Variants in TMEM132E observed in about 807,000 individuals in gnomAD.
The protein encoded by TMEM132E is transmembrane protein 132E.
TMEM132E carries 49 observed loss-of-function variants against 78.5 expected under a neutral mutation model. That is an observed-to-expected ratio of 0.62 (90% CI 0.50 to 0.79). TMEM132E has a LOEUF of 0.79. Ranked by LOEUF, TMEM132E falls within the 30% of genes least tolerant of loss-of-function variation. The pLI is 0.00. For synonymous variants in TMEM132E, 715 were observed against 670.6 expected, an observed-to-expected ratio of 1.07 and a Z score of -1.02; for missense variants, 1,403 against 1,470.9, an observed-to-expected ratio of 0.95 and a Z score of 0.75.
At chr17:34,603,062 C>T (rs1225457091) in intron 1 of TMEM132E, among the ~76,000 whole-genome samples, 1 of 152,148 alleles carries the variant, frequency 6.6e-6, no homozygotes, top group East Asian at 1.9e-4. Flanking sequence ...CTGTCTTACA[C>T]AGGAAGGGGG....
At chr17:34,633,940 A>G (rs1313225610) in intron 6 of TMEM132E, among the ~76,000 whole-genome samples, 1 of 152,190 alleles carries the variant, frequency 6.6e-6, no homozygotes, top group African/African-American at 2.4e-5. Context: ...AGCTGTGTAA[A>G]CTTGGGCTAC....
intron 5 of TMEM132E, 22 bp downstream of exon 5, chr17:34,630,173 C>G (rs371967001): frequency 4.4e-6 from 7 of 1,601,546 alleles, no homozygotes; most frequent in African/African-American, 4.0e-5. Context: ...GGAGGTGGGG[C>G]CCCTGGGGAA....
In TMEM132E at chr17:34,639,098, A is replaced by C. The variant is rs1907651897; in HGVS notation, c.*866A>C. 1 of 150,480 alleles carries C rather than the reference A, an allele frequency of 6.6e-6. No individual in the cohort carries two copies. Among genetic ancestry groups the C allele is most frequent in the South Asian group, 2.1e-4 (1 of 4,806 alleles). 9.3% of individuals were successfully genotyped at this position (150,480 alleles called of 1,614,324 possible). The stretch of plus-strand genomic sequence containing the variant: ...TGCAGCACAGGGCAGGCAGCCACCT[A>C]TGCCCCACAAGACGGAACCCGGGAG... On this transcript the variant is annotated 3_prime_UTR_variant, in exon 9 of 9. Coordinates refer to ENST00000631683, the MANE Select transcript of TMEM132E (RefSeq NM_001304438.2).
At chr17:34,600,847 G>C (rs11653925) in intron 1 of TMEM132E, among the ~76,000 whole-genome samples, 84,990 of 152,010 alleles carry the variant, frequency 0.56, 25,023 homozygotes, top group Admixed American at 0.71. Flanking sequence ...GGATGCACCT[G>C]CAGAGGCAGA....
chr17:34,623,167 A>G (rs1016688365), intron 1 of TMEM132E, among the ~76,000 whole-genome samples: 8 of 152,088 alleles, frequency 5.3e-5, no homozygotes, highest in African/African-American at 1.9e-4. Flanking sequence ...GTCCTCCCCC[A>G]GGGGGGGTGA....
intron 4 of TMEM132E, 47 bp from the exon 5 acceptor site, chr17:34,629,961 G>T (rs1044354368): frequency 1.3e-6 from 2 of 1,563,676 alleles, no homozygotes; most frequent in Non-Finnish European, 1.7e-6. Flanking sequence ...TGTGTCCCAG[G>T]ACAGAAGGGG....
At position 34,594,591 on chromosome 17, in the gene TMEM132E, T is replaced by C. The variant is rs149011722; in HGVS notation, c.67+13448T>C. Among the ~76,000 whole-genome samples, 350 of 152,330 alleles carry C rather than the reference T, an allele frequency of 2.3e-3. 2 individuals are homozygous for C. Among genetic ancestry groups the C allele is most frequent in the African/African-American group, 7.7e-3 (319 of 41,568 alleles). The stretch of plus-strand genomic sequence containing the variant: ...CAAATAGACACTCGCTATTGTTTCA[T>C]TCAGCACATGTTTTTTTGTTTGTTT... On this transcript the variant is annotated intron_variant, in intron 1 of 8. Transcript: ENST00000631683.
intron 1 of TMEM132E, among the ~76,000 whole-genome samples, chr17:34,593,863 G>A (rs942919259): frequency 7.2e-5 from 11 of 152,140 alleles, no homozygotes; most frequent in African/African-American, 1.9e-4. Flanking sequence ...CCCTTTTCCC[G>A]ACACTACTTC....
intron 1 of TMEM132E, among the ~76,000 whole-genome samples, chr17:34,586,447 A>C (rs1190613752): frequency 6.6e-6 from 1 of 151,992 alleles, no homozygotes; most frequent in Non-Finnish European, 1.5e-5. Context: ...CAGAGCACCA[A>C]CACTCAGCTA....
At position 34,638,266 on chromosome 17, in the gene TMEM132E, C is replaced by G. The variant is rs11080288; in HGVS notation, c.*34C>G. The G allele has an allele frequency of 4.4e-5, 65 of 1,463,308 alleles. No individual in the cohort carries two copies. Among genetic ancestry groups the G allele is most frequent in the Middle Eastern group, 4.4e-4 (2 of 4,558 alleles). The allele number at this position is 1,463,308 out of a possible 1,614,324, so 90.6% of individuals were successfully genotyped here. The stretch of plus-strand genomic sequence containing the variant: ...GCCGGAGTAGCAGGGACCCCCCCCC[C>G]CAACGGGGTCAGCTCGGGGTAGGAC... On this transcript the variant is annotated 3_prime_UTR_variant, in exon 9 of 9. Coordinates refer to ENST00000631683, the MANE Select transcript of TMEM132E (RefSeq NM_001304438.2).
chr17:34,599,224 A>G (rs1452549260), intron 1 of TMEM132E, among the ~76,000 whole-genome samples: 1 of 152,182 alleles, frequency 6.6e-6, no homozygotes, highest in Non-Finnish European at 1.5e-5. Context: ...GCAAGAGGGT[A>G]TGTGGAGAAT....
chr17:34,629,317 T>C (rs1336903283), intron 4 of TMEM132E, 113 bp downstream of exon 4: 4 of 1,204,324 alleles, frequency 3.3e-6, no homozygotes, highest in Non-Finnish European at 1.1e-6. Flanking sequence ...TGTGTGTATA[T>C]GTGAGACTTC....
intron 5 of TMEM132E, among the ~76,000 whole-genome samples, chr17:34,631,256 G>T (rs62062165): frequency 2.0e-5 from 3 of 152,246 alleles, no homozygotes; most frequent in Middle Eastern, 3.4e-3. Flanking sequence ...ATCCAGGAAG[G>T]ATGCCTTCCA....
At position 34,628,136 on chromosome 17, in the gene TMEM132E, G is replaced by T. The variant is rs557107506; in HGVS notation, c.999-427G>T. On this transcript the variant is annotated intron_variant, in intron 2 of 8. Transcript: ENST00000631683. Reference sequence around the variant, plus strand: ...CACCTACTCACCTCGCCAGCTTTTTGAAGAACTACTACAGTTAGGACAGAG... The same window carrying T: ...CACCTACTCACCTCGCCAGCTTTTTTAAGAACTACTACAGTTAGGACAGAG... 3.3e-5 allele frequency among the ~76,000 whole-genome samples: 5 copies of T among 152,336 alleles called. No homozygotes were observed. The East Asian group carries it at 9.6e-4, about 29-fold the overall frequency.
At chr17:34,607,225 T>C (rs73284050) in intron 1 of TMEM132E, among the ~76,000 whole-genome samples, 3,139 of 152,320 alleles carry the variant, frequency 0.021, 104 homozygotes, top group South Asian at 0.071. Flanking sequence ...GAGAACTTAC[T>C]ATGTAAAAGC....
At chr17:34,594,894 T>C (rs927708699) in intron 1 of TMEM132E, among the ~76,000 whole-genome samples, 2 of 152,222 alleles carry the variant, frequency 1.3e-5, no homozygotes, top group Non-Finnish European at 2.9e-5. Context: ...GAGCATGTTT[T>C]TGAACACCTA....
At position 34,636,048 on chromosome 17, in the gene TMEM132E, G is replaced by T; in HGVS notation, c.2019G>T (p.Leu673=). The T allele has an allele frequency of 6.4e-7, 1 of 1,565,336 alleles. No homozygotes were observed. Among genetic ancestry groups the T allele is most frequent in the Non-Finnish European group, 8.6e-7 (1 of 1,157,938 alleles). The change falls in exon 8 of 9, where the codon CTG becomes CTT. Residue 673 remains leucine, a synonymous_variant. Transcript: ENST00000631683. ...PLTEAVLGET[L]LTVTEEKVSI... is the part of the protein sequence containing the mutation. ...CGGAGGCTGTGCTCGGGGAGACGCT[G>T]CTGACGGTGACTGAGGAGAAGGTCA...
Position 34,632,781 on chromosome 17 carries a change from C to G in TMEM132E, c.1560C>G (p.Arg520=). 3 of 1,614,226 alleles carry G rather than the reference C, an allele frequency of 1.9e-6. No homozygotes were observed. Among genetic ancestry groups the G allele is most frequent in the Non-Finnish European group, 2.5e-6 (3 of 1,180,044 alleles). ...RGSMNARVTF[R]YDVLNAPLEM... is the part of the protein sequence containing the mutation. The stretch of plus-strand genomic sequence containing the variant: ...CCATGAACGCCAGGGTCACCTTCCG[C>G]TACGACGTCCTCAATGCTCCCCTGG... The change falls in exon 6 of 9, where the codon CGC becomes CGG. Residue 520 remains arginine (R), a synonymous_variant. Coordinates refer to ENST00000631683, the MANE Select transcript of TMEM132E (RefSeq NM_001304438.2).
intron 1 of TMEM132E, among the ~76,000 whole-genome samples, chr17:34,585,287 G>T (rs748620447): frequency 6.6e-5 from 10 of 152,208 alleles, no homozygotes; most frequent in African/African-American, 9.6e-5. Context: ...CTGGACTTGG[G>T]TGTCTCCTAG....
Sources: gnomAD v4.1 joint callset for allele counts (sites outside exome capture counted in the v4.1 genomes callset) on GRCh38, gnomAD v4.1.1 for gene constraint, MANE v1.5 for transcripts, NCBI Gene and HGNC (gene_info 2026-07-23, HGNC 2026-07-21) for gene names.